Variants in NRXN1 observed in about 807,000 individuals in gnomAD.
NRXN1 encodes neurexin-1.
Under a neutral mutation model 150.9 loss-of-function variants are expected in NRXN1, and 39 were observed. That is an observed-to-expected ratio of 0.26 (90% CI 0.20 to 0.34). NRXN1 has a LOEUF of 0.34. Ranked by LOEUF, NRXN1 falls within the 10% of genes least tolerant of loss-of-function variation. The probability of loss-of-function intolerance (pLI) is 1.00; values close to 1 mark genes in which losing one functional copy is unlikely to be tolerated. For missense variants in NRXN1, 1,815 were observed against 1,949.9 expected (o/e 0.93, Z 1.30); for synonymous variants, 924 against 757.0 (o/e 1.22, Z -3.62).
At chr2:50,445,286 A>G (rs2086300033) in intron 17 of NRXN1, among the ~76,000 whole-genome samples, 1 of 152,202 alleles carries the variant, frequency 6.6e-6, no homozygotes, top group African/African-American at 2.4e-5. Context: ...AACAGTTGTA[A>G]GGAAGGCAGT....
intron 15 of NRXN1, among the ~76,000 whole-genome samples, chr2:50,478,449 AT>A (rs1358601765): frequency 1.3e-5 from 2 of 152,146 alleles, no homozygotes; most frequent in Non-Finnish European, 2.9e-5. Context: ...TCAAGCAGAC[AT>A]TTTGCTCTGA....
intron 5 of NRXN1, among the ~76,000 whole-genome samples, chr2:50,760,053 A>G (rs907936996): frequency 3.3e-5 from 5 of 151,944 alleles, no homozygotes; most frequent in South Asian, 2.1e-4. Flanking sequence ...AAGAAACTCT[A>G]TTTAGTGGTG....
intron 5 of NRXN1, among the ~76,000 whole-genome samples, chr2:50,803,440 T>C (rs991166023): frequency 4.6e-5 from 7 of 152,166 alleles, no homozygotes; most frequent in African/African-American, 1.7e-4. Flanking sequence ...ACTACTCTCA[T>C]AATCTCTCTA....
At chr2:50,195,441 C>T (rs1288976439) in intron 18 of NRXN1, among the ~76,000 whole-genome samples, 1 of 152,096 alleles carries the variant, frequency 6.6e-6, no homozygotes, top group African/African-American at 2.4e-5. Context: ...CAGTGATTGC[C>T]ATTTTATAGG....
chr2:50,786,691 C>T (rs1332696937), intron 5 of NRXN1, among the ~76,000 whole-genome samples: 2 of 152,050 alleles, frequency 1.3e-5, no homozygotes, highest in Admixed American at 6.6e-5. Context: ...AGAGAGAAAC[C>T]GTGTGGCAGT....
chr2:50,801,137 T>C (rs898016384), intron 5 of NRXN1, among the ~76,000 whole-genome samples: 2 of 152,170 alleles, frequency 1.3e-5, no homozygotes, highest in Non-Finnish European at 2.9e-5. Context: ...TGCAAGTTTA[T>C]AAGAAGCAAC....
intron 18 of NRXN1, among the ~76,000 whole-genome samples, chr2:50,230,691 A>AG (rs1240942778): frequency 6.6e-6 from 1 of 152,098 alleles, no homozygotes; most frequent in African/African-American, 2.4e-5. Context: ...TAACTCTAGA[A>AG]TTCTAGAAAC....
chr2:50,753,422 C>T (rs112207171), intron 5 of NRXN1, among the ~76,000 whole-genome samples: 3,494 of 151,842 alleles, frequency 0.023, 59 homozygotes, highest in Non-Finnish European at 0.033. Context: ...CTCTCCATTA[C>T]GGCCAACACA....
chr2:50,448,501 G>A lies in NRXN1; in HGVS notation c.3364+16941C>T, dbSNP rs181567383. 2.1e-3 allele frequency among the ~76,000 whole-genome samples: 316 copies of A among 152,234 alleles called. 1 individual carries two copies. The highest frequency in any genetic ancestry group is 0.017 in the Middle Eastern group (5 of 294). On this transcript the variant is annotated intron_variant, in intron 17 of 22. Transcript: ENST00000401669. ...TAGGTGTAATGATTAAAGCATTAGT[G>A]GTGGTCACTAGGAAACGTGAAAGGA...
rs182700066 is a variant in NRXN1, at chr2:50,987,704, G to T, written c.772+39798C>A. On this transcript the variant is annotated intron_variant, in intron 2 of 22. Coordinates refer to ENST00000401669, the MANE Select transcript of NRXN1 (RefSeq NM_001330078.2). ...GATGCATATGTTCTGTGTTATTTTG[G>T]AACATATACTGTCTGTTAGGTTGAA... Among the ~76,000 whole-genome samples the T allele has an allele frequency of 6.8e-3, 1,036 of 151,896 alleles. 7 individuals are homozygous for T. Among genetic ancestry groups the T allele is most frequent in the Non-Finnish European group, 0.011 (751 of 67,856 alleles).
intron 5 of NRXN1, among the ~76,000 whole-genome samples, chr2:50,626,569 A>T (rs1293317132): frequency 6.6e-6 from 1 of 151,986 alleles, no homozygotes; most frequent in Non-Finnish European, 1.5e-5. Flanking sequence ...AGTTATTCAT[A>T]AGAAAAAAGT....
In NRXN1 at chr2:50,347,617, C is replaced by G. The variant is rs201024655; in HGVS notation, c.3365-110647G>C. On this transcript the variant is annotated intron_variant, in intron 17 of 22. Transcript: ENST00000401669. The surrounding 1 kb of genome is among the most constrained non-coding windows in gnomAD (Gnocchi z 4.9). ...CGCGTCCGCCGCCTCCTGACACTTA[C>G]GCCCGGCGAGGGGTTCAGAGGGAAG... 1.1e-5 allele frequency: 11 copies of G among 1,005,698 alleles called. No individual in the cohort carries two copies. The highest frequency in any genetic ancestry group is 8.0e-5 in the South Asian group (2 of 25,030). The allele number at this position is 1,005,698 out of a possible 1,614,324, so 62.3% of individuals were successfully genotyped here. A position where few individuals can be genotyped will look rare whatever the true frequency, so the allele number is the denominator to read the frequency against.
Position 50,672,477 on chromosome 2 carries a change from A to C in NRXN1, c.833-48862T>G, listed in dbSNP as rs563048641. Among the ~76,000 whole-genome samples the C allele has an allele frequency of 6.6e-5, 10 of 152,096 alleles. No homozygotes were observed. In the East Asian group the frequency reaches 1.5e-3, roughly 24 times the overall value. On this transcript the variant is annotated intron_variant, in intron 5 of 22. Coordinates refer to ENST00000401669, the MANE Select transcript of NRXN1 (RefSeq NM_001330078.2). ...ACATGCTTGATGAGCTTGATTTGCA[A>C]TTTTAAGTTGTGGTTAAATCCCTAG...
intron 2 of NRXN1, among the ~76,000 whole-genome samples, chr2:50,933,836 T>C (rs1346306434): frequency 2.0e-5 from 3 of 152,154 alleles, no homozygotes; most frequent in East Asian, 1.9e-4. Context: ...TTTCCTTTTG[T>C]AACCCTAATA....
At chr2:50,868,222 A>G (rs1677251168) in intron 5 of NRXN1, among the ~76,000 whole-genome samples, 1 of 144,368 alleles carries the variant, frequency 6.9e-6, no homozygotes, top group Admixed American at 7.1e-5. Flanking sequence ...ATGCAGCCAT[A>G]AAAAGAATGA....
At chr2:50,666,263 T>C (rs78223588) in intron 5 of NRXN1, among the ~76,000 whole-genome samples, 5,896 of 152,076 alleles carry the variant, frequency 0.039, 189 homozygotes, top group East Asian at 0.19. Flanking sequence ...TAGTATTTCT[T>C]GCATGTATAT....
At chr2:49,960,478 AT>A (rs1675735700) in intron 21 of NRXN1, among the ~76,000 whole-genome samples, 1 of 152,190 alleles carries the variant, frequency 6.6e-6, no homozygotes, top group Admixed American at 6.5e-5. Context: ...TGTACTCCCA[AT>A]ATGGAGTAGC....
intron 17 of NRXN1, among the ~76,000 whole-genome samples, chr2:50,379,389 A>ATGACAGGGAATAG (rs1413418931): frequency 6.6e-6 from 1 of 152,198 alleles, no homozygotes; most frequent in African/African-American, 2.4e-5. Flanking sequence ...ACAGGGAATA[A>ATGACAGGGAATAG]TAACAGTGAA....
intron 17 of NRXN1, among the ~76,000 whole-genome samples, chr2:50,341,295 C>T (rs987737259): frequency 2.0e-5 from 3 of 151,958 alleles, no homozygotes; most frequent in African/African-American, 7.3e-5. Context: ...CCATAAGTCA[C>T]TGAGTTAATA....
Sources: gnomAD v4.1 joint callset for allele counts (sites outside exome capture counted in the v4.1 genomes callset) on GRCh38, gnomAD v4.1.1 for gene constraint, Gnocchi (gnomAD v3.1) non-coding constraint, MANE v1.5 for transcripts, NCBI Gene and HGNC (gene_info 2026-07-23, HGNC 2026-07-21) for gene names.